Variants in SLC15A2 observed in about 807,000 individuals in gnomAD.
SLC15A2 encodes the protein kidney H(+)/peptide cotransporter.
SLC15A2 carries 77 observed loss-of-function variants against 95.5 expected under a neutral mutation model. The observed-to-expected ratio is 0.81, with a 90% confidence interval of 0.67 to 0.97. The LOEUF is 0.97. Among genes scored for constraint, SLC15A2 ranks in the 50% least tolerant of loss-of-function variants. The pLI is 0.00. For missense variants in SLC15A2, 893 were observed against 874.4 expected (o/e 1.02, Z -0.27); for synonymous variants, 306 against 306.9 (o/e 1.00, Z 0.03).
At chr3:121,924,470 T>C (rs1710072301) in intron 12 of SLC15A2, 87 bp downstream of exon 12, 1 of 1,201,740 alleles carries the variant, frequency 8.3e-7, no homozygotes, top group African/African-American at 1.5e-5. Context: ...AACCATAATT[T>C]GATGCTTTTC....
intron 16 of SLC15A2, 73 bp downstream of exon 16, chr3:121,929,219 A>G (rs1710182309): frequency 6.2e-7 from 1 of 1,602,104 alleles, no homozygotes; most frequent in Admixed American, 1.7e-5. Context: ...ACATCTTACC[A>G]AGGATCTGCC....
chr3:121,915,287 A>G lies in SLC15A2; in HGVS notation c.589A>G (p.Ile197Val), dbSNP rs767919925. The change falls in exon 6 of 22, where the codon ATT (isoleucine) becomes GTT (valine). Residue 197 changes from isoleucine (I) to valine (V), a missense_variant. Ile to Val is a conservative substitution (Grantham distance 29). Coordinates refer to ENST00000489711, the MANE Select transcript of SLC15A2 (RefSeq NM_021082.4). ...FYLSINAGSL[I>V]STFITPMLRG... ...CCTGTCCATCAATGCAGGGAGCTTGATTTCTACATTTATCACACCCATGCT... is the reference window on the plus strand; with the variant it reads ...CCTGTCCATCAATGCAGGGAGCTTGGTTTCTACATTTATCACACCCATGCT... The G allele has an allele frequency of 1.2e-6, 2 of 1,612,978 alleles. No individual in the cohort carries two copies. Among genetic ancestry groups the G allele is most frequent in the South Asian group, 1.1e-5 (1 of 91,036 alleles).
intron 3 of SLC15A2, among the ~76,000 whole-genome samples, chr3:121,905,973 G>T (rs1027220658): frequency 6.6e-6 from 1 of 152,114 alleles, no homozygotes. Flanking sequence ...TTATTATTGT[G>T]TGGGAGTCTA....
chr3:121,940,002 C>T (rs1447330016), intron 20 of SLC15A2, among the ~76,000 whole-genome samples: 1 of 152,092 alleles, frequency 6.6e-6, no homozygotes, highest in African/African-American at 2.4e-5. Flanking sequence ...GACAGGGTTT[C>T]ACCATGTTGG....
At chr3:121,902,310 A>C (rs1177324698) in intron 3 of SLC15A2, among the ~76,000 whole-genome samples, 1 of 152,044 alleles carries the variant, frequency 6.6e-6, no homozygotes, top group African/African-American at 2.4e-5. Context: ...AATCACTTAG[A>C]ACCACTCTCT....
chr3:121,907,194 C>T (rs561370218), intron 3 of SLC15A2, among the ~76,000 whole-genome samples: 1 of 150,936 alleles, frequency 6.6e-6, no homozygotes, highest in Non-Finnish European at 1.5e-5. Flanking sequence ...TGGTTTTCAG[C>T]TCCATCAGGT....
chr3:121,927,719 C>T (rs1006262118), intron 13 of SLC15A2, 39 bp from the exon 14 acceptor site: 3 of 1,496,344 alleles, frequency 2.0e-6, no homozygotes, highest in African/African-American at 2.8e-5. Flanking sequence ...CCTTTAGAGT[C>T]TAAAGTTTAG....
intron 19 of SLC15A2, among the ~76,000 whole-genome samples, chr3:121,933,210 C>T (rs557004291): frequency 4.5e-4 from 67 of 148,440 alleles, no homozygotes; most frequent in African/African-American, 1.3e-3. Flanking sequence ...TGAATAATGC[C>T]GCAATAAACA....
rs116307792 is a variant in SLC15A2 at position 121,939,356 on chromosome 3, A to G, written c.1769A>G (p.Asn590Ser). Residue 590 changes from asparagine to serine, a missense_variant, in exon 20 of 22, where the codon AAT (asparagine) becomes AGT (serine). Transcript: ENST00000489711. The part of the protein sequence containing the change: ...AYLFVITNNT[N>S]QGLQAWKIED... Reference sequence around the variant, plus strand: ...ATTTTCTCTTTCCCTAAGAACACCAATCAGGGTCTTCAGGCCTGGAAGATT... The same window carrying G: ...ATTTTCTCTTTCCCTAAGAACACCAGTCAGGGTCTTCAGGCCTGGAAGATT... 2.2e-3 allele frequency: 3,380 copies of G among 1,530,820 alleles called. 59 individuals carry two copies. In the African/African-American group the frequency reaches 0.04, roughly 18 times the overall value. The allele number at this position is 1,530,820 out of a possible 1,614,324, so 94.8% of individuals were successfully genotyped here.
intron 3 of SLC15A2, among the ~76,000 whole-genome samples, chr3:121,907,397 G>A (rs967301950): frequency 6.6e-6 from 1 of 152,204 alleles, no homozygotes; most frequent in South Asian, 2.1e-4. Flanking sequence ...TCCATTGCTG[G>A]CAAGGAGCTG....
At position 121,927,715 on chromosome 3, in the gene SLC15A2, G is replaced by C. The variant is rs370623761; in HGVS notation, c.1125-43G>C. On this transcript the variant is annotated intron_variant, in intron 13 of 21. Transcript: ENST00000489711. ...TACAGAGTTTGGATTTCATCCTTTA[G>C]AGTCTAAAGTTTAGATATAATTGTT... The C allele has an allele frequency of 6.4e-5, 93 of 1,444,710 alleles. No homozygotes were observed. Among genetic ancestry groups the C allele is most frequent in the Non-Finnish European group, 8.8e-5 (90 of 1,025,582 alleles). The allele number at this position is 1,444,710 out of a possible 1,614,324, so 89.5% of individuals were successfully genotyped here.
At chr3:121,909,812 T>A (rs946788960) in intron 3 of SLC15A2, among the ~76,000 whole-genome samples, 2 of 45,668 alleles carry the variant, frequency 4.4e-5, no homozygotes, top group Non-Finnish European at 1.0e-4. Context: ...CATTATTAGA[T>A]TTTTTTTTTT....
At chr3:121,894,614 G>A in intron 1 of SLC15A2, 33 bp downstream of exon 1, 3 of 1,537,466 alleles carry the variant, frequency 2.0e-6, no homozygotes, top group Admixed American at 1.7e-5. Flanking sequence ...GCCTCTGAGA[G>A]GAATGGCCTC....
Position 121,941,993 on chromosome 3 carries a change from C to G in SLC15A2, c.*986C>G, listed in dbSNP as rs573015969. ...TCCTTTATTAATGTTTCCATTTAGC[C>G]TCAAAAATATCAAAGTAGTTCCTTT... On this transcript the variant is annotated 3_prime_UTR_variant, in exon 22 of 22. Coordinates refer to ENST00000489711, the MANE Select transcript of SLC15A2 (RefSeq NM_021082.4). 6.6e-6 allele frequency: 1 copy of G among 152,278 alleles called. No individual in the cohort carries two copies. Among genetic ancestry groups the G allele is most frequent in the South Asian group, 2.1e-4 (1 of 4,830 alleles). 9.4% of individuals were successfully genotyped at this position (152,278 alleles called of 1,614,324 possible).
Position 121,941,473 on chromosome 3 carries a change from A to G in SLC15A2, c.*466A>G, listed in dbSNP as rs1300564065. ...AATTATGCTATTCACAGGGGCCTCA[A>G]GAATTGGTATGTATGATGTGATCTG... On this transcript the variant is annotated 3_prime_UTR_variant, in exon 22 of 22. Coordinates refer to ENST00000489711, the MANE Select transcript of SLC15A2 (RefSeq NM_021082.4). 1.3e-5 allele frequency: 2 copies of G among 152,550 alleles called. No homozygotes were observed. Among genetic ancestry groups the G allele is most frequent in the African/African-American group, 4.8e-5 (2 of 41,450 alleles). The allele number at this position is 152,550 out of a possible 1,614,324, so 9.4% of individuals were successfully genotyped here.
chr3:121,933,794 T>C (rs1387471484), intron 19 of SLC15A2, among the ~76,000 whole-genome samples: 1 of 149,360 alleles, frequency 6.7e-6, no homozygotes, highest in Non-Finnish European at 1.5e-5. Flanking sequence ...ATTTTGGCTT[T>C]TGTTGCCATT....
intron 13 of SLC15A2, among the ~76,000 whole-genome samples, chr3:121,926,262 A>T (rs1365060189): frequency 6.6e-6 from 1 of 152,130 alleles, no homozygotes; most frequent in South Asian, 2.1e-4. Context: ...TGGATGTTGG[A>T]GGTGGGGTCT....
chr3:121,916,973 A>C (rs541021117), intron 7 of SLC15A2, among the ~76,000 whole-genome samples: 1 of 151,994 alleles, frequency 6.6e-6, no homozygotes, highest in South Asian at 2.1e-4. Context: ...GGCGCCCACC[A>C]CCATGCCTGG....
intron 7 of SLC15A2, among the ~76,000 whole-genome samples, chr3:121,919,246 A>G (rs1709958473): frequency 6.6e-6 from 1 of 152,148 alleles, no homozygotes; most frequent in African/African-American, 2.4e-5. Flanking sequence ...CCCGCTGCCC[A>G]TAGCTTGGCG....
Sources: gnomAD v4.1 joint callset for allele counts (sites outside exome capture counted in the v4.1 genomes callset) on GRCh38, gnomAD v4.1.1 for gene constraint, MANE v1.5 for transcripts, NCBI Gene and HGNC (gene_info 2026-07-23, HGNC 2026-07-21) for gene names.